Variants in TIMP3 observed in about 807,000 individuals in gnomAD.
TIMP3 encodes metalloproteinase inhibitor 3.
Under a neutral mutation model 30.0 loss-of-function variants are expected in TIMP3, and 11 were observed. The ratio of observed to expected loss-of-function variants is 0.37; its 90% CI spans 0.23 to 0.61. The LOEUF (loss-of-function observed/expected upper bound fraction) is 0.61. Among genes scored for constraint, TIMP3 ranks in the 20% least tolerant of loss-of-function variants. The pLI is 0.70. For missense variants in TIMP3, 181 were observed against 276.8 expected, an observed-to-expected ratio of 0.65 and a Z score of 2.45; for synonymous variants, 112 against 111.3, an observed-to-expected ratio of 1.01 and a Z score of -0.04.
At chr22:32,804,713 G>C (rs1026862118) in intron 1 of TIMP3, among the ~76,000 whole-genome samples, 8 of 152,196 alleles carry the variant, frequency 5.3e-5, no homozygotes, top group Non-Finnish European at 1.0e-4. Context: ...GGAGTTAAAA[G>C]GTGTTTCTAT....
chr22:32,808,734 C>A (rs1372482242), intron 1 of TIMP3, among the ~76,000 whole-genome samples: 2 of 152,164 alleles, frequency 1.3e-5, no homozygotes, highest in Admixed American at 6.5e-5. Context: ...CTGATCACTC[C>A]TTGGCATTGG....
intron 1 of TIMP3, among the ~76,000 whole-genome samples, chr22:32,845,987 G>A (rs1364310076): frequency 1.3e-5 from 2 of 152,228 alleles, no homozygotes; most frequent in East Asian, 3.9e-4. Context: ...CCAAATAGGT[G>A]GATCTGGGGT....
At chr22:32,840,007 G>A (rs2047847166) in intron 1 of TIMP3, among the ~76,000 whole-genome samples, 1 of 152,020 alleles carries the variant, frequency 6.6e-6, no homozygotes, top group African/African-American at 2.4e-5. Context: ...CCCTTCCCCG[G>A]GAGGTCCAGG....
chr22:32,847,777 C>T (rs2048110121), intron 1 of TIMP3, among the ~76,000 whole-genome samples: 1 of 152,136 alleles, frequency 6.6e-6, no homozygotes, highest in Admixed American at 6.5e-5. Context: ...GGGCTAAGTG[C>T]AACTTGAGAT....
intron 1 of TIMP3, among the ~76,000 whole-genome samples, chr22:32,823,618 C>T (rs1425444408): frequency 2.0e-5 from 3 of 152,284 alleles, no homozygotes; most frequent in South Asian, 2.1e-4. Context: ...CCAAGAGCAA[C>T]TTAGGGGGCC....
chr22:32,821,706 G>A (rs1020554758), intron 1 of TIMP3, among the ~76,000 whole-genome samples: 15 of 152,166 alleles, frequency 9.9e-5, no homozygotes, highest in Admixed American at 3.3e-4. Flanking sequence ...AGCTTCCAGG[G>A]GGTGGATTCC....
At chr22:32,818,312 G>A (rs932562893) in intron 1 of TIMP3, among the ~76,000 whole-genome samples, 3 of 152,124 alleles carry the variant, frequency 2.0e-5, no homozygotes, top group African/African-American at 7.2e-5. Flanking sequence ...CAGCCTATGC[G>A]GTCCATCAGG....
intron 1 of TIMP3, among the ~76,000 whole-genome samples, chr22:32,802,601 A>G (rs909981082): frequency 3.3e-5 from 5 of 151,902 alleles, no homozygotes; most frequent in Non-Finnish European, 5.9e-5. Flanking sequence ...TCCTGCGCCT[A>G]TGAAATTCAT....
intron 1 of TIMP3, among the ~76,000 whole-genome samples, chr22:32,803,181 G>A (rs1375778079): frequency 1.3e-5 from 2 of 152,168 alleles, no homozygotes; most frequent in African/African-American, 2.4e-5. Context: ...GCTGGGCTGG[G>A]CGGTGGGGTG....
At chr22:32,807,614 G>A (rs2046800175) in intron 1 of TIMP3, among the ~76,000 whole-genome samples, 2 of 149,744 alleles carry the variant, frequency 1.3e-5, no homozygotes. Context: ...TGAGGAAACT[G>A]AGGCTTAGAA....
At chr22:32,810,980 G>A (rs549552972) in intron 1 of TIMP3, among the ~76,000 whole-genome samples, 19 of 152,228 alleles carry the variant, frequency 1.2e-4, no homozygotes, top group African/African-American at 4.6e-4. Flanking sequence ...CTAAAATGGG[G>A]GGAAATATAT....
intron 1 of TIMP3, among the ~76,000 whole-genome samples, chr22:32,835,775 C>A (rs1352963971): frequency 6.6e-6 from 1 of 152,212 alleles, no homozygotes; most frequent in Non-Finnish European, 1.5e-5. Flanking sequence ...CCTTTGTCTG[C>A]AAGCCAAGGT....
rs1469822848 is a variant in TIMP3, at chr22:32,858,151, G to A, written c.438+13G>A. 6.2e-7 allele frequency: 1 copy of A among 1,612,180 alleles called. No individual in the cohort carries two copies. The highest frequency in any genetic ancestry group is 1.1e-5 in the South Asian group (1 of 91,052). ...TTGTAACTGCAAGGTAAGCTCTGGG[G>A]TCACTGGGGGAAGGAGGGGAGGTGC... On this transcript the variant is annotated intron_variant, in intron 4 of 4. Transcript: ENST00000266085.
intron 1 of TIMP3, among the ~76,000 whole-genome samples, chr22:32,832,709 A>C (rs981672632): frequency 6.7e-6 from 1 of 148,982 alleles, no homozygotes; most frequent in Non-Finnish European, 1.5e-5. Flanking sequence ...TATTGTGATA[A>C]TACTTAACAT....
At chr22:32,846,777 A>G (rs1368227737) in intron 1 of TIMP3, among the ~76,000 whole-genome samples, 2 of 152,236 alleles carry the variant, frequency 1.3e-5, no homozygotes, top group Non-Finnish European at 2.9e-5. Flanking sequence ...TAAGAAAGCC[A>G]GAGAGATTCA....
intron 1 of TIMP3, among the ~76,000 whole-genome samples, chr22:32,833,661 A>G (rs1017422298): frequency 6.6e-6 from 1 of 152,208 alleles, no homozygotes; most frequent in African/African-American, 2.4e-5. Context: ...GATGAGAAGT[A>G]GGGGCTCCCA....
At chr22:32,804,567 GCA>G (rs1267190441) in intron 1 of TIMP3, among the ~76,000 whole-genome samples, 1 of 152,146 alleles carries the variant, frequency 6.6e-6, no homozygotes, top group Non-Finnish European at 1.5e-5. Flanking sequence ...CTAGCAAAAG[GCA>G]CAGGAGGCCT....
Position 32,801,950 on chromosome 22 carries a change from G to A in TIMP3, c.-52G>A. On this transcript the variant is annotated 5_prime_UTR_variant, in exon 1 of 5. Coordinates refer to ENST00000266085, the MANE Select transcript of TIMP3 (RefSeq NM_000362.5). This position sits in a 1 kb window ranked among gnomAD's most constrained non-coding sequence, Gnocchi z 4.7. ...CAGCAGCCCCGCCGGCGGCGCGCACGGCAACTTTGGAGAGGCGAGCAGCAG... is the reference window on the plus strand; with the variant it reads ...CAGCAGCCCCGCCGGCGGCGCGCACAGCAACTTTGGAGAGGCGAGCAGCAG... 1.3e-6 allele frequency: 2 copies of A among 1,552,160 alleles called. No individual in the cohort carries two copies. The highest frequency in any genetic ancestry group is 1.2e-5 in the South Asian group (1 of 84,562).
intron 1 of TIMP3, among the ~76,000 whole-genome samples, chr22:32,838,346 A>G (rs950531978): frequency 2.2e-4 from 34 of 152,184 alleles, no homozygotes; most frequent in Admixed American, 2.2e-3. Context: ...ACAGCCTGCC[A>G]TGCTCTTCAT....
Sources: allele counts gnomAD v4.1 joint callset (sites outside exome capture counted in the v4.1 genomes callset), GRCh38; gene constraint gnomAD v4.1.1; non-coding constraint Gnocchi (gnomAD v3.1); transcripts MANE v1.5; gene names NCBI Gene and HGNC (gene_info 2026-07-23, HGNC 2026-07-21).